The following GALNT13 variants were observed in gnomAD, a reference collection of about 807,000 sequenced individuals.
GALNT13 encodes UDP-GalNAc:polypeptide N-acetylgalactosaminyltransferase 13.
Under a neutral mutation model 64.2 loss-of-function variants are expected in GALNT13, and 28 were observed. That is an observed-to-expected ratio of 0.44 (90% CI 0.32 to 0.60). GALNT13 has a LOEUF of 0.60. Ranked by LOEUF, GALNT13 falls within the 20% of genes least tolerant of loss-of-function variation. GALNT13 has a pLI of 0.05. For missense variants in GALNT13, 577 were observed against 669.8 expected (o/e 0.86, Z 1.53); for synonymous variants, 214 against 224.6 (o/e 0.95, Z 0.42).
At chr2:153,152,253 G>C in the GALNT13 span, among the ~76,000 whole-genome samples, 1 of 152,026 alleles carries the variant, frequency 6.6e-6, no homozygotes, top group Admixed American at 6.6e-5. Flanking sequence ...TCTCATGAAG[G>C]AAAACAACTT....
At chr2:153,958,341 G>A (rs1246177178) in intron 3 of GALNT13, among the ~76,000 whole-genome samples, 2 of 152,128 alleles carry the variant, frequency 1.3e-5, no homozygotes, top group Admixed American at 6.5e-5. Context: ...AGTAACATGA[G>A]CCAGTAAAGG....
At chr2:154,192,368 C>T (rs1486392387) in intron 4 of GALNT13, among the ~76,000 whole-genome samples, 2 of 152,148 alleles carry the variant, frequency 1.3e-5, no homozygotes, top group African/African-American at 4.8e-5. Flanking sequence ...CCTAGGTCTG[C>T]GGGTCCAGGC....
At chr2:153,630,577 A>G in the GALNT13 span, among the ~76,000 whole-genome samples, 1 of 149,622 alleles carries the variant, frequency 6.7e-6, no homozygotes, top group Non-Finnish European at 1.5e-5. Context: ...GCAGCACACC[A>G]ACATGGCACA....
At chr2:153,374,949 A>C in the GALNT13 span, among the ~76,000 whole-genome samples, 1 of 152,194 alleles carries the variant, frequency 6.6e-6, no homozygotes, top group Admixed American at 6.5e-5. Flanking sequence ...TACTACACTT[A>C]GCTTTGTAAA....
chr2:153,590,965 C>T, the GALNT13 span, among the ~76,000 whole-genome samples: 2 of 138,172 alleles, frequency 1.4e-5, no homozygotes, highest in African/African-American at 5.6e-5. Flanking sequence ...AAGTCTTAGC[C>T]AGAGAAATCA....
the GALNT13 span, among the ~76,000 whole-genome samples, chr2:153,674,554 A>G: frequency 6.6e-6 from 1 of 152,194 alleles, no homozygotes; most frequent in Non-Finnish European, 1.5e-5. Context: ...TTAACTCATG[A>G]TGGATTAAAG....
chr2:153,431,217 G>T, the GALNT13 span, among the ~76,000 whole-genome samples: 2 of 150,942 alleles, frequency 1.3e-5, no homozygotes, highest in African/African-American at 4.9e-5. Flanking sequence ...AATTTTTACT[G>T]ATGTTATAGT....
At chr2:153,903,308 C>T (rs2105297527) in intron 2 of GALNT13, among the ~76,000 whole-genome samples, 1 of 151,970 alleles carries the variant, frequency 6.6e-6, no homozygotes, top group Middle Eastern at 3.4e-3. Context: ...GTTAGTTTAC[C>T]GATCATGCAA....
chr2:154,058,539 A>G (rs901433286), intron 3 of GALNT13, among the ~76,000 whole-genome samples: 2 of 152,186 alleles, frequency 1.3e-5, no homozygotes, highest in African/African-American at 4.8e-5. Context: ...TTACAACATT[A>G]AGTAGGAGGT....
chr2:153,770,657 C>A, the GALNT13 span, among the ~76,000 whole-genome samples: 1 of 152,228 alleles, frequency 6.6e-6, no homozygotes, highest in African/African-American at 2.4e-5. Context: ...CCATCTACAT[C>A]ATCAGTCACA....
At chr2:154,246,635 T>C (rs1460819311) in intron 7 of GALNT13, among the ~76,000 whole-genome samples, 1 of 152,096 alleles carries the variant, frequency 6.6e-6, no homozygotes, top group Non-Finnish European at 1.5e-5. Flanking sequence ...TGTGGACCTC[T>C]TACCTGAAAC....
At chr2:153,830,815 C>G in the GALNT13 span, among the ~76,000 whole-genome samples, 1 of 152,136 alleles carries the variant, frequency 6.6e-6, no homozygotes, top group East Asian at 1.9e-4. Context: ...TACATTATAT[C>G]TAATCAATGT....
At chr2:153,623,245 A>G in the GALNT13 span, among the ~76,000 whole-genome samples, 3 of 152,042 alleles carry the variant, frequency 2.0e-5, no homozygotes, top group Non-Finnish European at 4.4e-5. Context: ...CTCCTTTGAC[A>G]TTGGGAAAAT....
chr2:153,514,273 GTTAT>G, the GALNT13 span, among the ~76,000 whole-genome samples: 12 of 152,012 alleles, frequency 7.9e-5, no homozygotes, highest in South Asian at 6.2e-4. Context: ...CATCCATTGG[GTTAT>G]TTATTTCGGT....
the GALNT13 span, among the ~76,000 whole-genome samples, chr2:153,278,691 A>G: frequency 2.6e-5 from 4 of 152,150 alleles, no homozygotes; most frequent in South Asian, 4.1e-4. Context: ...TGGGGTTTCT[A>G]TTATGTTCCA....
At chr2:154,066,064 A>G (rs1256023385) in intron 3 of GALNT13, among the ~76,000 whole-genome samples, 1 of 152,238 alleles carries the variant, frequency 6.6e-6, no homozygotes, top group Non-Finnish European at 1.5e-5. Flanking sequence ...TAAAATCTGG[A>G]GTTGAATAAT....
the GALNT13 span, among the ~76,000 whole-genome samples, chr2:153,277,258 A>G: frequency 1.3e-5 from 2 of 152,256 alleles, no homozygotes; most frequent in South Asian, 4.1e-4. Context: ...TTTTATGGGC[A>G]TGAGTACCCA....
chr2:154,026,296 G>A (rs1428431710), intron 3 of GALNT13, among the ~76,000 whole-genome samples: 1 of 152,120 alleles, frequency 6.6e-6, no homozygotes, highest in African/African-American at 2.4e-5. Flanking sequence ...AGGGTAAGGA[G>A]AGACTCAAAT....
At chr2:153,354,796 C>T in the GALNT13 span, among the ~76,000 whole-genome samples, 103 of 152,252 alleles carry the variant, frequency 6.8e-4, no homozygotes, top group Admixed American at 3.6e-3. Context: ...AATAAAAGGC[C>T]TATTTTTCTT....
Sources: allele counts gnomAD v4.1 joint callset (sites outside exome capture counted in the v4.1 genomes callset), GRCh38; gene constraint gnomAD v4.1.1; transcripts MANE v1.5; gene names NCBI Gene and HGNC (gene_info 2026-07-23, HGNC 2026-07-21).